ROCK2: variants seen among roughly 807,000 people sequenced by gnomAD.
ROCK2 encodes the protein Rho associated coiled-coil containing protein kinase 2, also known as rho-associated protein kinase 2.
Under a neutral mutation model 195.1 loss-of-function variants are expected in ROCK2, and 61 were observed. The observed-to-expected ratio is 0.31, with a 90% confidence interval of 0.25 to 0.39. The LOEUF is 0.39. ROCK2 is among the 10% of genes least tolerant of loss of function. ROCK2 has a pLI of 1.00. For missense variants in ROCK2, 1,109 were observed against 1,637.4 expected, an observed-to-expected ratio of 0.68 and a Z score of 5.57; for synonymous variants, 504 against 545.5, an observed-to-expected ratio of 0.92 and a Z score of 1.06.
chr2:11,200,441 TGTACTGC>T (rs1663810262), intron 23 of ROCK2, among the ~76,000 whole-genome samples: 1 of 152,232 alleles, frequency 6.6e-6, no homozygotes, highest in African/African-American at 2.4e-5. Context: ...CAGTGATTTG[TGTACTGC>T]CACTCCCATC....
chr2:11,327,464 C>T (rs1159621771), intron 1 of ROCK2, among the ~76,000 whole-genome samples: 1 of 152,188 alleles, frequency 6.6e-6, no homozygotes, highest in Non-Finnish European at 1.5e-5. Flanking sequence ...GTCCTGGGCC[C>T]TCTGTTCACA....
intron 9 of ROCK2, among the ~76,000 whole-genome samples, 157 bp downstream of exon 9, chr2:11,221,041 A>C (rs1454662832): frequency 6.6e-6 from 1 of 152,238 alleles, no homozygotes; most frequent in African/African-American, 2.4e-5. Context: ...TATAACATTC[A>C]GAAATAATAA....
chr2:11,344,465 G>C lies in ROCK2; in HGVS notation c.-329C>G, dbSNP rs1484496952. On this transcript the variant is annotated 5_prime_UTR_variant, in exon 1 of 33. Transcript: ENST00000315872. The surrounding 1 kb of genome is among the most constrained non-coding windows in gnomAD (Gnocchi z 5.4). Reference sequence around the variant, plus strand: ...AGTCCTCGGGCGGGAGCAGGGAAGTGGCGCCGCCACCGCCGCGGCCCGGAC... The same window carrying C: ...AGTCCTCGGGCGGGAGCAGGGAAGTCGCGCCGCCACCGCCGCGGCCCGGAC... 2.4e-5 allele frequency: 24 copies of C among 1,008,940 alleles called. No individual in the cohort carries two copies. The highest frequency in any genetic ancestry group is 2.8e-5 in the Non-Finnish European group (24 of 845,990). The allele number at this position is 1,008,940 out of a possible 1,614,324, so 62.5% of individuals were successfully genotyped here.
At chr2:11,257,585 C>G (rs1666081126) in intron 3 of ROCK2, among the ~76,000 whole-genome samples, 1 of 151,236 alleles carries the variant, frequency 6.6e-6, no homozygotes, top group African/African-American at 2.5e-5. Context: ...TTATGAAGAG[C>G]CCTTAAAGGA....
rs375242366 is a variant in ROCK2 at position 11,295,985 on chromosome 2, AGAGAG to A, written c.142-8254_142-8250del. ...AAACAAAAGAGAGAGAGAGAGAGAG[AGAGAG>A]GAGAGAGAGAGAGAGGAGAGAGAGA... On this transcript the variant is annotated intron_variant, in intron 1 of 32. Transcript: ENST00000315872. 8.4e-3 allele frequency among the ~76,000 whole-genome samples: 378 copies of A among 44,898 alleles called. 15 individuals carry two copies. The highest frequency in any genetic ancestry group is 0.014 in the African/African-American group (254 of 18,250). 29.5% of individuals were successfully genotyped at this position (44,898 alleles called of 152,430 possible). A position where few individuals can be genotyped will look rare whatever the true frequency, so the allele number is the denominator to read the frequency against.
At chr2:11,336,437 C>A (rs553973582) in intron 1 of ROCK2, among the ~76,000 whole-genome samples, 1 of 151,926 alleles carries the variant, frequency 6.6e-6, no homozygotes, top group Non-Finnish European at 1.5e-5. Context: ...TCTGTAGAGG[C>A]GACAAATCTC....
intron 32 of ROCK2, among the ~76,000 whole-genome samples, chr2:11,191,623 C>T (rs1158360336): frequency 6.6e-6 from 1 of 152,136 alleles, no homozygotes; most frequent in East Asian, 1.9e-4. Flanking sequence ...TTAATTCTAT[C>T]TTTTAAGTTA....
intron 1 of ROCK2, among the ~76,000 whole-genome samples, chr2:11,289,262 A>G (rs1320635063): frequency 6.6e-6 from 1 of 152,084 alleles, no homozygotes; most frequent in African/African-American, 2.4e-5. Context: ...CATACACATA[A>G]ACAACATCAC....
Position 11,192,751 on chromosome 2 carries a change from T to C in ROCK2, c.3688-39A>G, listed in dbSNP as rs367959538. On this transcript the variant is annotated intron_variant, in intron 30 of 32. Transcript: ENST00000315872. The surrounding 1 kb of genome is among the most constrained non-coding windows in gnomAD (Gnocchi z 5.0). ...AAGAACAATAAGTGATTTCCAAACATGCTATTTTTTTATGTAGGAACAATT... is the reference window on the plus strand; with the variant it reads ...AAGAACAATAAGTGATTTCCAAACACGCTATTTTTTTATGTAGGAACAATT... 5.7e-6 allele frequency: 9 copies of C among 1,566,596 alleles called. No individual in the cohort carries two copies. The East Asian group carries it at 2.0e-4, about 35-fold the overall frequency.
intron 4 of ROCK2, among the ~76,000 whole-genome samples, chr2:11,248,225 G>A (rs1381739366): frequency 6.7e-6 from 1 of 148,948 alleles, no homozygotes; most frequent in Middle Eastern, 3.4e-3. Flanking sequence ...GGGGGGGGAT[G>A]GGGGGAGGGG....
At chr2:11,320,433 A>C (rs1469305705) in intron 1 of ROCK2, among the ~76,000 whole-genome samples, 1 of 152,178 alleles carries the variant, frequency 6.6e-6, no homozygotes, top group Non-Finnish European at 1.5e-5. Context: ...ATACTTTAAC[A>C]CTTAAATGTA....
At chr2:11,314,770 A>G (rs571745565) in intron 1 of ROCK2, among the ~76,000 whole-genome samples, 1 of 152,132 alleles carries the variant, frequency 6.6e-6, no homozygotes, top group East Asian at 1.9e-4. Context: ...TGATGCTTAA[A>G]TATAGATGTC....
At position 11,201,441 on chromosome 2, in the gene ROCK2, G is replaced by A. The variant is rs6735686; in HGVS notation, c.2620-28C>T. ...AAATAGCAAAATACAACAGAAATGC[G>A]TATCATCATCAGAAATATTACTTCT... On this transcript the variant is annotated intron_variant, in intron 21 of 32. Transcript: ENST00000315872. The surrounding 1 kb of genome is among the most constrained non-coding windows in gnomAD (Gnocchi z 4.6). 2.3e-3 allele frequency: 2,636 copies of A among 1,144,758 alleles called. 27 individuals are homozygous for A. In the African/African-American group the frequency reaches 0.025, roughly 11 times the overall value. 70.9% of individuals were successfully genotyped at this position (1,144,758 alleles called of 1,614,324 possible).
intron 8 of ROCK2, 47 bp from the exon 9 acceptor site, chr2:11,221,404 A>T (rs1664633000): frequency 1.5e-6 from 2 of 1,348,306 alleles, no homozygotes; most frequent in Non-Finnish European, 2.0e-6. Context: ...ACCAAAATAT[A>T]TAAACCATCC....
intron 20 of ROCK2, among the ~76,000 whole-genome samples, chr2:11,206,321 G>A (rs1664049721): frequency 6.6e-6 from 1 of 151,768 alleles, no homozygotes; most frequent in African/African-American, 2.4e-5. Context: ...ATATACACTA[G>A]GTATAAACAA....
At chr2:11,287,577 A>G (rs1667238875) in intron 2 of ROCK2, 78 bp downstream of exon 2, 2 of 407,912 alleles carry the variant, frequency 4.9e-6, no homozygotes, top group African/African-American at 2.1e-5. Context: ...ATAAATTTAT[A>G]GGCTGATAAT....
In ROCK2 at chr2:11,195,009, T is replaced by A; in HGVS notation, c.3465A>T (p.Gly1155=). 1 of 1,574,702 alleles carries A rather than the reference T, an allele frequency of 6.4e-7. No individual in the cohort carries two copies. Among genetic ancestry groups the A allele is most frequent in the Non-Finnish European group, 8.6e-7 (1 of 1,158,150 alleles). ...TGTTTCGTACAGGCAATGAAAGCCA[T>A]CCTTCTAATCTTGATTCTACAAATA... is the stretch of plus-strand genomic sequence containing the variant. ...DDGFPESRLE[G]WLSLPVRNNT... The change falls in exon 28 of 33, where the codon GGA becomes GGT. Residue 1155 remains glycine (G), a synonymous_variant. Transcript: ENST00000315872.
rs1463209724 is a variant in ROCK2, at chr2:11,235,150, C to T, written c.723+552G>A. On this transcript the variant is annotated intron_variant, in intron 5 of 32. Transcript: ENST00000315872. The surrounding 1 kb of genome is among the most constrained non-coding windows in gnomAD (Gnocchi z 4.2). ...TTTTACAACCAAAATAAATCAGTAT[C>T]ATAATTAGCTACGAGGTTAATGCCA... Among the ~76,000 whole-genome samples the T allele has an allele frequency of 1.3e-5, 2 of 152,100 alleles. No individual in the cohort carries two copies. Among genetic ancestry groups the T allele is most frequent in the African/African-American group, 4.8e-5 (2 of 41,436 alleles).
At chr2:11,184,728 T>C (rs1460762357) in intron 32 of ROCK2, 3 of 984,376 alleles carry the variant, frequency 3.0e-6, no homozygotes, top group African/African-American at 3.5e-5. Flanking sequence ...ATCAACATCA[T>C]CAAATGACCA....
Sources: gnomAD v4.1 joint callset for allele counts (sites outside exome capture counted in the v4.1 genomes callset) on GRCh38, gnomAD v4.1.1 for gene constraint, Gnocchi (gnomAD v3.1) non-coding constraint, MANE v1.5 for transcripts, NCBI Gene and HGNC (gene_info 2026-07-23, HGNC 2026-07-21) for gene names.